The following BTBD7 variants were observed in gnomAD, a reference collection of about 807,000 sequenced individuals.
BTBD7 encodes BTB domain containing 7, also known as BTB/POZ domain-containing protein 7.
Under a neutral mutation model 99.9 loss-of-function variants are expected in BTBD7, and 38 were observed. That is an observed-to-expected ratio of 0.38 (90% CI 0.29 to 0.50). The LOEUF is 0.50. Ranked by LOEUF, BTBD7 falls within the 20% of genes least tolerant of loss-of-function variation. BTBD7 has a pLI of 0.93. For missense variants in BTBD7, 1,170 were observed against 1,394.6 expected, an observed-to-expected ratio of 0.84 and a Z score of 2.57; for synonymous variants, 520 against 511.4, an observed-to-expected ratio of 1.02 and a Z score of -0.23.
Position 93,294,607 on chromosome 14 carries a change from T to C in BTBD7, c.413A>G (p.Tyr138Cys), listed in dbSNP as rs2052901121. 1.2e-6 allele frequency: 2 copies of C among 1,614,100 alleles called. No individual in the cohort carries two copies. Among genetic ancestry groups the C allele is most frequent in the Non-Finnish European group, 1.7e-6 (2 of 1,180,050 alleles). The change falls in exon 3 of 11, where the codon TAC (tyrosine) becomes TGC (cysteine). Residue 138 changes from tyrosine (Y) to cysteine (C), a missense_variant. Physicochemically the swap from Tyr to Cys is radical, Grantham distance 194. This residue lies in a region of BTBD7 where 359 missense variants were observed against 497.9 expected (regional missense o/e 0.72). Coordinates refer to ENST00000334746, the MANE Select transcript of BTBD7 (RefSeq NM_001002860.4). ...LQKDMADLYE[Y>C]KYCTDVDLIF... ...TAAGTCTACATCAGTACAATACTTG[T>C]ACTCATAAAGATCAGCCATATCTTT...
chr14:93,258,222 T>TGAGA (rs972073308), intron 5 of BTBD7, among the ~76,000 whole-genome samples: 107 of 149,326 alleles, frequency 7.2e-4, no homozygotes, highest in African/African-American at 2.5e-3. Context: ...TGTGTGTGTA[T>TGAGA]GAGAGAGAGA....
chr14:93,312,053 C>G (rs1178857039), intron 1 of BTBD7, among the ~76,000 whole-genome samples: 1 of 151,984 alleles, frequency 6.6e-6, no homozygotes. Context: ...TTTACTTATA[C>G]TTTATACAAC....
chr14:93,300,179 G>C (rs1284111995), intron 1 of BTBD7, among the ~76,000 whole-genome samples: 1 of 151,824 alleles, frequency 6.6e-6, no homozygotes, highest in Admixed American at 6.6e-5. Flanking sequence ...CGTCGAAACA[G>C]AGTTCCAAAA....
chr14:93,242,774 G>C lies in BTBD7; in HGVS notation c.2898C>G (p.Ser966=), dbSNP rs139558603. 86 of 1,614,198 alleles carry C rather than the reference G, an allele frequency of 5.3e-5. No individual in the cohort carries two copies. The highest frequency in any genetic ancestry group is 1.3e-4 in the Admixed American group (8 of 60,026). ...STPALSRRTP[S]PSQGGYFGPD... ...GACCAAAATATCCACCTTGCGAAGG[G>C]GAAGGGGTGCGTCTGCTGAGAGCAG... Residue 966 remains serine, a synonymous_variant, in exon 11 of 11, where the codon TCC becomes TCG. Transcript: ENST00000334746.
chr14:93,252,389 A>G (rs564663581), intron 7 of BTBD7, among the ~76,000 whole-genome samples: 2 of 152,092 alleles, frequency 1.3e-5, no homozygotes, highest in South Asian at 2.1e-4. Context: ...AAAAAAGAAA[A>G]ATGTTGCCTG....
chr14:93,309,396 C>T (rs1046288710), intron 1 of BTBD7, among the ~76,000 whole-genome samples: 7 of 142,056 alleles, frequency 4.9e-5, no homozygotes, highest in Middle Eastern at 3.2e-3. Context: ...GGCAAAACTC[C>T]TCTGTCTCCA....
intron 8 of BTBD7, among the ~76,000 whole-genome samples, chr14:93,249,509 A>C (rs1027182590): frequency 3.3e-5 from 5 of 152,224 alleles, no homozygotes; most frequent in African/African-American, 1.2e-4. Flanking sequence ...TGACAGGATC[A>C]GAGCTGTGAA....
At chr14:93,331,075 T>C (rs1408072522) in intron 1 of BTBD7, among the ~76,000 whole-genome samples, 1 of 152,034 alleles carries the variant, frequency 6.6e-6, no homozygotes, top group Non-Finnish European at 1.5e-5. Context: ...AAACGAAATA[T>C]CACTCCGTTT....
intron 4 of BTBD7, among the ~76,000 whole-genome samples, chr14:93,262,775 GCTCT>G (rs557100329): frequency 2.0e-5 from 3 of 147,068 alleles, no homozygotes; most frequent in Non-Finnish European, 4.4e-5. Flanking sequence ...AATCTAGGCT[GCTCT>G]CTGTTTTTTT....
intron 1 of BTBD7, among the ~76,000 whole-genome samples, chr14:93,298,036 GATT>G (rs1185750489): frequency 6.7e-6 from 1 of 149,514 alleles, no homozygotes; most frequent in African/African-American, 2.4e-5. Context: ...TTTCAAGTTC[GATT>G]ATTATTTCTT....
At chr14:93,326,439 GC>G (rs1284874667) in intron 1 of BTBD7, among the ~76,000 whole-genome samples, 3 of 152,162 alleles carry the variant, frequency 2.0e-5, no homozygotes, top group African/African-American at 7.2e-5. Flanking sequence ...TGCAGCTTAG[GC>G]GACAGAGCAA....
chr14:93,243,321 C>G (rs1396062211), intron 10 of BTBD7, among the ~76,000 whole-genome samples: 1 of 151,892 alleles, frequency 6.6e-6, no homozygotes, highest in Admixed American at 6.6e-5. Flanking sequence ...AGCCTCCTGA[C>G]TAGCTGGGAT....
rs1178721520 is a variant in BTBD7, at chr14:93,257,223, G to T, written c.1580C>A (p.Pro527His). ...ATCACTTAAGACTTCACTGTTTATA[G>T]GTAAGATGTGTTCAATTCGCACAAA... ...LPFVRIEHIL[P>H]INSEVLSDAM... Residue 527 changes from proline to histidine, a missense_variant, in exon 6 of 11, where the codon CCT (proline) becomes CAT (histidine). Pro to His is a moderately conservative substitution (Grantham distance 77). Transcript: ENST00000334746. 1 of 1,614,106 alleles carries T rather than the reference G, an allele frequency of 6.2e-7. No individual in the cohort carries two copies. Among genetic ancestry groups the T allele is most frequent in the South Asian group, 1.1e-5 (1 of 91,072 alleles).
intron 1 of BTBD7, among the ~76,000 whole-genome samples, chr14:93,310,982 T>TA (rs1011599698): frequency 2.0e-5 from 3 of 151,854 alleles, no homozygotes; most frequent in South Asian, 2.1e-4. Flanking sequence ...AAAAATTCTA[T>TA]AAAAAAAACT....
chr14:93,251,826 C>A (rs561731960), intron 7 of BTBD7, among the ~76,000 whole-genome samples, 174 bp from the exon 8 acceptor site: 2 of 152,150 alleles, frequency 1.3e-5, no homozygotes, highest in Admixed American at 1.3e-4. Context: ...TTTAAAGACT[C>A]TTTTAGGAGC....
chr14:93,242,360 A>T lies in BTBD7; in HGVS notation c.3312T>A (p.Asn1104Lys). The T allele has an allele frequency of 1.2e-6, 2 of 1,614,000 alleles. No individual in the cohort carries two copies. The highest frequency in any genetic ancestry group is 2.7e-5 in the African/African-American group (2 of 74,960). ...TTGAATCTTCCCTTTCCAAATCTGT[A>T]TTTCTCTGAGCTCCATGGCCCAGGG... is the stretch of plus-strand genomic sequence containing the variant. ...SESLGHGAQRNTDLEREDSIS... is the reference protein window; with the variant it reads ...SESLGHGAQRKTDLEREDSIS... The change falls in exon 11 of 11, where the codon AAT becomes AAA. Residue 1104 changes from asparagine to lysine, a missense_variant. By Grantham distance (94) the Asn-to-Lys change is moderately conservative. Around this residue, in one of 4 missense-constraint regions of BTBD7, gnomAD observed 495 missense variants for 525.9 expected, o/e 0.94. Coordinates refer to ENST00000334746, the MANE Select transcript of BTBD7 (RefSeq NM_001002860.4).
Position 93,294,924 on chromosome 14 carries a change from A to C in BTBD7, c.96T>G (p.Tyr32Ter). The C allele has an allele frequency of 6.4e-7, 1 of 1,570,044 alleles. No individual in the cohort carries two copies. Among genetic ancestry groups the C allele is most frequent in the Non-Finnish European group, 8.6e-7 (1 of 1,164,598 alleles). The change falls in exon 3 of 11, where the codon TAT (tyrosine) becomes TAG (stop). Residue 32 changes from tyrosine (Y) to a stop codon, truncating the protein, a stop_gained. Transcript: ENST00000334746. LOFTEE classifies it high-confidence loss of function. The part of the protein sequence containing the change: ...AQQTFIGTSS[Y>*]SQQGYGCESK... The stretch of plus-strand genomic sequence containing the variant: ...ATTCGCAACCATAGCCTTGCTGAGA[A>C]TAGGATGAGGTCCCTAAGAAAAAAA...
chr14:93,321,475 C>T (rs1262279230), intron 1 of BTBD7, among the ~76,000 whole-genome samples: 2 of 152,194 alleles, frequency 1.3e-5, no homozygotes, highest in Non-Finnish European at 2.9e-5. Flanking sequence ...TGCCTGTAAT[C>T]CCAGCTGCTC....
rs1371220129 is a variant in BTBD7 at position 93,294,168 on chromosome 14, C to G, written c.852G>C (p.Arg284=). ...LKAHKAVISA[R]SPFFRNLLQR... Reference sequence around the variant, plus strand: ...GTAATAAATTTCGAAAAAATGGGGACCGTGCAGAAATAACAGCCTTGTGGG... The same window carrying G: ...GTAATAAATTTCGAAAAAATGGGGAGCGTGCAGAAATAACAGCCTTGTGGG... The change falls in exon 3 of 11, where the codon CGG becomes CGC. Residue 284 remains arginine (R), a synonymous_variant. Transcript: ENST00000334746. The G allele has an allele frequency of 3.7e-6, 6 of 1,613,988 alleles. No individual in the cohort carries two copies. In the Admixed American group the frequency reaches 8.3e-5, roughly 22 times the overall value.
Sources: gnomAD v4.1 joint callset for allele counts (sites outside exome capture counted in the v4.1 genomes callset) on GRCh38, gnomAD v4.1.1 for gene constraint, gnomAD v4.1.1 regional missense constraint, MANE v1.5 for transcripts, NCBI Gene and HGNC (gene_info 2026-07-23, HGNC 2026-07-21) for gene names.